Variants in IGF2BP2 observed in about 807,000 individuals in gnomAD.
The protein encoded by IGF2BP2 is insulin-like growth factor 2 mRNA-binding protein 2.
In IGF2BP2, 17 loss-of-function variants were observed where a neutral mutation model predicts 75.8. The observed-to-expected ratio is 0.22, with a 90% CI of 0.15 to 0.34. IGF2BP2 has a LOEUF of 0.34. Ranked by LOEUF, IGF2BP2 falls within the 10% of genes least tolerant of loss-of-function variation. IGF2BP2 has a pLI of 1.00. For synonymous variants in IGF2BP2, 288 were observed against 295.6 expected (o/e 0.97, Z 0.26); for missense variants, 516 against 772.4 (o/e 0.67, Z 3.93).
intron 5 of IGF2BP2, among the ~76,000 whole-genome samples, chr3:185,691,181 C>T (rs974813697): frequency 6.6e-6 from 1 of 152,222 alleles, no homozygotes; most frequent in African/African-American, 2.4e-5. Flanking sequence ...TCACTGCAAC[C>T]TCTGCCTCCC....
intron 2 of IGF2BP2, among the ~76,000 whole-genome samples, chr3:185,787,214 C>A (rs1008516543): frequency 6.6e-6 from 1 of 151,986 alleles, no homozygotes; most frequent in South Asian, 2.1e-4. Flanking sequence ...TAGATAGTGG[C>A]GATGGCTGCA....
At position 185,643,860 on chromosome 3, in the gene IGF2BP2, T is replaced by C. The variant is rs1713066580; in HGVS notation, c.*1671A>G. On this transcript the variant is annotated 3_prime_UTR_variant, in exon 16 of 16. Transcript: ENST00000382199. ...ATTGCAGTCTGGTGGTATAATGGCT[T>C]GTCCACATAAACCAGTACATGTTCA... 6.6e-6 allele frequency: 1 copy of C among 151,406 alleles called. No homozygotes were observed. The highest frequency in any genetic ancestry group is 1.5e-5 in the Non-Finnish European group (1 of 67,802). The allele number at this position is 151,406 out of a possible 1,614,324, so 9.4% of individuals were successfully genotyped here.
intron 2 of IGF2BP2, chr3:185,713,128 T>C (rs1725061203): frequency 2.0e-5 from 6 of 294,580 alleles, no homozygotes; most frequent in South Asian, 1.8e-4. Context: ...TGTGTGTGTG[T>C]GTCTTGGTGT....
chr3:185,814,681 A>T (rs1471426434), intron 2 of IGF2BP2, among the ~76,000 whole-genome samples: 1 of 152,226 alleles, frequency 6.6e-6, no homozygotes, highest in East Asian at 1.9e-4. Flanking sequence ...GTCAAAAAGC[A>T]TGGCGTCTAT....
chr3:185,784,563 C>T (rs1034278271), intron 2 of IGF2BP2, among the ~76,000 whole-genome samples: 13 of 152,236 alleles, frequency 8.5e-5, no homozygotes, highest in African/African-American at 3.1e-4. Flanking sequence ...ACTACTGCAT[C>T]AGCACTGCTC....
intron 2 of IGF2BP2, among the ~76,000 whole-genome samples, chr3:185,714,375 T>C (rs1430438583): frequency 6.6e-6 from 1 of 152,242 alleles, no homozygotes; most frequent in Admixed American, 6.5e-5. Flanking sequence ...TCTATTCATC[T>C]ATCATCTAGC....
At position 185,722,641 on chromosome 3, in the gene IGF2BP2, G is replaced by A. The variant is rs536097662; in HGVS notation, c.240-24294C>T. On this transcript the variant is annotated intron_variant, in intron 2 of 15. Transcript: ENST00000382199. ...CAAACTAAGAAAAATCAATCTGGTGGAGGTTACACAGAGACTCTGGGAAAT... is the reference window on the plus strand; with the variant it reads ...CAAACTAAGAAAAATCAATCTGGTGAAGGTTACACAGAGACTCTGGGAAAT... The A allele has an allele frequency of 2.8e-5, 5 of 176,518 alleles. No individual in the cohort carries two copies. The South Asian group carries it at 5.6e-4, about 20-fold the overall frequency. 10.9% of individuals were successfully genotyped at this position (176,518 alleles called of 1,614,324 possible).
chr3:185,756,696 G>A (rs187790282), intron 2 of IGF2BP2, among the ~76,000 whole-genome samples: 55 of 152,272 alleles, frequency 3.6e-4, no homozygotes, highest in African/African-American at 1.3e-3. Flanking sequence ...GGAGGTGGCC[G>A]GGCGTGGTGG....
chr3:185,692,594 C>T, intron 5 of IGF2BP2, 105 bp downstream of exon 5: 1 of 1,042,916 alleles, frequency 9.6e-7, no homozygotes, highest in Non-Finnish European at 1.4e-6. Context: ...ATATCCAGCT[C>T]AAAGATCTGC....
intron 2 of IGF2BP2, chr3:185,713,613 T>C: frequency 2.4e-6 from 1 of 419,410 alleles, no homozygotes; most frequent in Non-Finnish European, 4.8e-6. Context: ...TGCGATTCTG[T>C]GGATCTCAGC....
intron 13 of IGF2BP2, 79 bp from the exon 14 acceptor site, chr3:185,649,613 A>C: frequency 6.4e-7 from 1 of 1,571,170 alleles, no homozygotes; most frequent in South Asian, 1.2e-5. Flanking sequence ...AGGGCACTGG[A>C]GAGTCCAGAC....
chr3:185,649,477 C>T lies in IGF2BP2; in HGVS notation c.1519G>A (p.Glu507Lys). The change falls in exon 14 of 16, where the codon GAA (glutamate) becomes AAA (lysine). Residue 507 changes from glutamate (E) to lysine (K), a missense_variant. Glu to Lys is a moderately conservative substitution (Grantham distance 56, BLOSUM62 1). Around this residue, in one of 3 missense-constraint regions of IGF2BP2, gnomAD observed 129 missense variants for 230.5 expected, o/e 0.56. Coordinates refer to ENST00000382199, the MANE Select transcript of IGF2BP2 (RefSeq NM_006548.6). Reference sequence around the variant, plus strand: ...CTGATATGCGCTTCCAGCTTCACTTCTTCTTTGGGGTTAAAGAAGTTTTCC... The same window carrying T: ...CTGATATGCGCTTCCAGCTTCACTTTTTCTTTGGGGTTAAAGAAGTTTTCC... ...KEENFFNPKE[E>K]VKLEAHIRVP... The T allele has an allele frequency of 6.2e-7, 1 of 1,614,196 alleles. No individual in the cohort carries two copies.
intron 10 of IGF2BP2, among the ~76,000 whole-genome samples, chr3:185,665,410 A>AGGAGGAGGAGG (rs1717283175): frequency 3.8e-5 from 1 of 26,556 alleles, no homozygotes; most frequent in Non-Finnish European, 7.8e-5. Context: ...GGAGAAGGAA[A>AGGAGGAGGAGG]AGGAGGAGAA....
chr3:185,808,402 C>T (rs755752730), intron 2 of IGF2BP2, among the ~76,000 whole-genome samples: 15 of 152,154 alleles, frequency 9.9e-5, no homozygotes, highest in Non-Finnish European at 1.9e-4. Flanking sequence ...ACTGCTTGAA[C>T]CTGGGAGGCA....
chr3:185,821,923 G>A (rs772290751), intron 2 of IGF2BP2, among the ~76,000 whole-genome samples: 1 of 151,718 alleles, frequency 6.6e-6, no homozygotes, highest in Non-Finnish European at 1.5e-5. Flanking sequence ...TTGGTTACAC[G>A]TTACATCTTT....
chr3:185,730,312 C>T (rs757611613), intron 2 of IGF2BP2, among the ~76,000 whole-genome samples: 10 of 152,026 alleles, frequency 6.6e-5, no homozygotes, highest in Admixed American at 1.3e-4. Context: ...CATAGTATTC[C>T]GTGGTATATT....
chr3:185,781,501 C>T (rs79704531), intron 2 of IGF2BP2, among the ~76,000 whole-genome samples: 12,159 of 151,988 alleles, frequency 0.08, 762 homozygotes, highest in African/African-American at 0.17. Flanking sequence ...AAAGGTTTGG[C>T]GTTAACAGGG....
At chr3:185,716,729 A>G (rs758838691) in intron 2 of IGF2BP2, 1 of 520,104 alleles carries the variant, frequency 1.9e-6, no homozygotes, top group South Asian at 1.4e-5. Flanking sequence ...CAACCCTGTC[A>G]GCGCTGGCTG....
intron 2 of IGF2BP2, among the ~76,000 whole-genome samples, chr3:185,817,150 T>C (rs995090987): frequency 1.6e-4 from 25 of 152,172 alleles, no homozygotes; most frequent in African/African-American, 6.0e-4. Flanking sequence ...CTAAACAGAA[T>C]GGGAAAATCC....
Sources: gnomAD v4.1 joint callset for allele counts (sites outside exome capture counted in the v4.1 genomes callset) on GRCh38, gnomAD v4.1.1 for gene constraint, gnomAD v4.1.1 regional missense constraint, MANE v1.5 for transcripts, NCBI Gene and HGNC (gene_info 2026-07-23, HGNC 2026-07-21) for gene names.